FAR2: variants seen among roughly 807,000 people sequenced by gnomAD.
The protein encoded by FAR2 is epididymis secretory protein Li 81.
Under a neutral mutation model 56.0 loss-of-function variants are expected in FAR2, and 19 were observed. The ratio of observed to expected loss-of-function variants is 0.34; its 90% CI spans 0.24 to 0.50. The LOEUF (loss-of-function observed/expected upper bound fraction) is 0.50. FAR2 is among the 20% of genes least tolerant of loss of function. The pLI is 0.98. For missense variants in FAR2, 508 were observed against 642.2 expected, an observed-to-expected ratio of 0.79 and a Z score of 2.26; for synonymous variants, 219 against 218.8, an observed-to-expected ratio of 1.00 and a Z score of -0.01.
chr12:29,191,781 G>C (rs879811585), intron 1 of FAR2, among the ~76,000 whole-genome samples: 2 of 152,190 alleles, frequency 1.3e-5, no homozygotes, highest in Admixed American at 1.3e-4. Context: ...ATGCGGCTTT[G>C]CTTCAGGCTT....
chr12:29,277,092 C>G (rs1948712634), intron 2 of FAR2, among the ~76,000 whole-genome samples: 1 of 152,194 alleles, frequency 6.6e-6, no homozygotes, highest in African/African-American at 2.4e-5. Flanking sequence ...ATTCTCCTGC[C>G]TCAGCCTCCC....
chr12:29,226,867 G>T (rs1947776942), intron 1 of FAR2, among the ~76,000 whole-genome samples: 2 of 152,096 alleles, frequency 1.3e-5, no homozygotes, highest in African/African-American at 4.8e-5. Context: ...TACACAAAAA[G>T]AATTCACCAC....
intron 1 of FAR2, among the ~76,000 whole-genome samples, chr12:29,262,079 C>A (rs973960731): frequency 2.0e-5 from 3 of 152,098 alleles, no homozygotes. Flanking sequence ...AAATGATGAA[C>A]CAATCACAAA....
At chr12:29,298,809 C>G (rs899430783) in intron 4 of FAR2, among the ~76,000 whole-genome samples, 1 of 152,152 alleles carries the variant, frequency 6.6e-6, no homozygotes, top group African/African-American at 2.4e-5. Flanking sequence ...GGGCAGACCC[C>G]TTTTGATTCC....
At chr12:29,190,385 A>G (rs1029113837) in intron 1 of FAR2, among the ~76,000 whole-genome samples, 3 of 151,858 alleles carry the variant, frequency 2.0e-5, no homozygotes, top group Non-Finnish European at 4.4e-5. Context: ...GAGGCTGAGC[A>G]GAGGAGGAGC....
chr12:29,307,232 T>C (rs1949266891), intron 4 of FAR2, among the ~76,000 whole-genome samples: 1 of 152,170 alleles, frequency 6.6e-6, no homozygotes, highest in Non-Finnish European at 1.5e-5. Context: ...TAATAATCTC[T>C]AATATAGTAC....
At chr12:29,294,451 G>A (rs536922154) in intron 3 of FAR2, among the ~76,000 whole-genome samples, 3 of 152,076 alleles carry the variant, frequency 2.0e-5, no homozygotes, top group African/African-American at 7.2e-5. Context: ...GGGTTCAAGC[G>A]ATTCTCCTGC....
At chr12:29,245,982 A>G (rs1948122066) in intron 1 of FAR2, among the ~76,000 whole-genome samples, 1 of 151,982 alleles carries the variant, frequency 6.6e-6, no homozygotes, top group African/African-American at 2.4e-5. Context: ...ATTCCTTCCT[A>G]TAGTCACCTT....
intron 1 of FAR2, among the ~76,000 whole-genome samples, chr12:29,216,090 A>T (rs1027089557): frequency 6.6e-6 from 1 of 152,170 alleles, no homozygotes. Flanking sequence ...TATTACCCAG[A>T]TCTTCAGCTG....
intron 10 of FAR2, among the ~76,000 whole-genome samples, chr12:29,331,264 GC>G (rs1471316274): frequency 2.7e-5 from 4 of 150,602 alleles, no homozygotes; most frequent in Admixed American, 6.6e-5. Flanking sequence ...ATCTGAGAGT[GC>G]TGTATGTCCA....
At chr12:29,289,634 A>G (rs371833163) in intron 2 of FAR2, among the ~76,000 whole-genome samples, 2 of 152,334 alleles carry the variant, frequency 1.3e-5, no homozygotes, top group African/African-American at 2.4e-5. Flanking sequence ...GTCTGGGCAA[A>G]AATTTATTGA....
intron 1 of FAR2, among the ~76,000 whole-genome samples, chr12:29,211,351 A>G (rs1947545191): frequency 6.6e-6 from 1 of 152,242 alleles, no homozygotes; most frequent in African/African-American, 2.4e-5. Flanking sequence ...CCAGTCAAAA[A>G]GACAGATAAG....
chr12:29,175,897 C>T (rs1055693341), intron 1 of FAR2, among the ~76,000 whole-genome samples: 1 of 152,192 alleles, frequency 6.6e-6, no homozygotes. Flanking sequence ...AGTCCCCACT[C>T]GACCCAGGAA....
At chr12:29,324,121 T>C (rs1034483711) in intron 10 of FAR2, among the ~76,000 whole-genome samples, 11 of 152,084 alleles carry the variant, frequency 7.2e-5, no homozygotes, top group African/African-American at 9.7e-5. Context: ...CAGTAACCGA[T>C]GCGATCAACT....
Position 29,316,961 on chromosome 12 carries a change from C to T in FAR2, c.1076C>T (p.Ala359Val). The T allele has an allele frequency of 6.2e-7, 1 of 1,614,000 alleles. No homozygotes were observed. Among genetic ancestry groups the T allele is most frequent in the Non-Finnish European group, 8.5e-7 (1 of 1,179,932 alleles). Reference sequence around the variant, plus strand: ...TACTGGAATGCGGTCAGCCACCGGGCCCCTGCCATTATCTATGACTGCTAT... The same window carrying T: ...TACTGGAATGCGGTCAGCCACCGGGTCCCTGCCATTATCTATGACTGCTAT... Reference protein sequence around the residue: ...SQYWNAVSHRAPAIIYDCYLR... With the variant: ...SQYWNAVSHRVPAIIYDCYLR... The change falls in exon 9 of 12, where the codon GCC (alanine) becomes GTC (valine). Residue 359 changes from alanine (A) to valine (V), a missense_variant. Ala to Val is a moderately conservative substitution (Grantham distance 64). Coordinates refer to ENST00000536681, the MANE Select transcript of FAR2 (RefSeq NM_001271783.2).
At chr12:29,181,425 C>T (rs752452164) in intron 1 of FAR2, among the ~76,000 whole-genome samples, 1 of 152,162 alleles carries the variant, frequency 6.6e-6, no homozygotes, top group Non-Finnish European at 1.5e-5. Context: ...GCTCAAATCT[C>T]TAACTTATAA....
intron 1 of FAR2, among the ~76,000 whole-genome samples, chr12:29,173,618 T>C (rs1456845534): frequency 6.6e-6 from 1 of 152,146 alleles, no homozygotes; most frequent in East Asian, 1.9e-4. Context: ...AAAAAATGTG[T>C]TGCCTCTTTT....
intron 9 of FAR2, among the ~76,000 whole-genome samples, chr12:29,318,173 A>C (rs1018258624): frequency 2.6e-5 from 4 of 152,214 alleles, no homozygotes; most frequent in African/African-American, 9.7e-5. Flanking sequence ...CGTGTTTGTC[A>C]TCTTTATTAG....
At chr12:29,276,874 A>ATT (rs1240451109) in intron 2 of FAR2, among the ~76,000 whole-genome samples, 2 of 151,232 alleles carry the variant, frequency 1.3e-5, no homozygotes, top group Admixed American at 6.6e-5. Context: ...AAATCTCTAG[A>ATT]TTATATATAT....
Sources: allele counts gnomAD v4.1 joint callset (sites outside exome capture counted in the v4.1 genomes callset), GRCh38; gene constraint gnomAD v4.1.1; transcripts MANE v1.5; gene names NCBI Gene and HGNC (gene_info 2026-07-23, HGNC 2026-07-21).